ZFP1: variants seen among roughly 807,000 people sequenced by gnomAD.
ZFP1 encodes the protein ZFP1 zinc finger protein, also known as zinc finger protein 1 homolog.
A neutral mutation model predicts 38.5 loss-of-function variants in ZFP1; 32 were observed. The observed-to-expected ratio is 0.83, with a 90% CI of 0.63 to 1.12. The LOEUF is 1.12. ZFP1 is among the 50% of genes most tolerant of loss of function. The pLI is 0.00. For synonymous variants in ZFP1, 245 were observed against 168.8 expected, an observed-to-expected ratio of 1.45 and a Z score of -3.50; for missense variants, 616 against 480.8, an observed-to-expected ratio of 1.28 and a Z score of -2.63.
At chr16:75,155,660 A>G (rs1013559364) in intron 2 of ZFP1, among the ~76,000 whole-genome samples, 1 of 152,220 alleles carries the variant, frequency 6.6e-6, no homozygotes, top group African/African-American at 2.4e-5. Context: ...TAGGCACCCA[A>G]GTTAAGAAAT....
the ZFP1 span, among the ~76,000 whole-genome samples, chr16:75,120,529 T>G: frequency 0.57 from 82,865 of 146,246 alleles, 26,975 homozygotes; most frequent in Non-Finnish European, 0.75. Context: ...TTTTTTTTTG[T>G]TTTTTTTTTT....
chr16:75,138,189 A>C, the ZFP1 span, among the ~76,000 whole-genome samples: 1 of 151,858 alleles, frequency 6.6e-6, no homozygotes, highest in Non-Finnish European at 1.5e-5. Context: ...GGCGTGCGCC[A>C]CCACACCTGG....
upstream of ZFP1, among the ~76,000 whole-genome samples, chr16:75,146,456 T>C (rs1341230330): frequency 6.6e-6 from 1 of 150,932 alleles, no homozygotes; most frequent in East Asian, 2.0e-4. Flanking sequence ...CGTGAGCCAC[T>C]GCACCCGGCC....
rs980093001 is a variant in ZFP1, at chr16:75,171,488, G to A, written c.*1154G>A. Reference sequence around the variant, plus strand: ...TAAAACATTTCCCTTTGGAACATGAGTTATAAGTTATTACTTTTCCTTTAC... The same window carrying A: ...TAAAACATTTCCCTTTGGAACATGAATTATAAGTTATTACTTTTCCTTTAC... On this transcript the variant is annotated 3_prime_UTR_variant, in exon 4 of 4. Transcript: ENST00000570010. The A allele has an allele frequency of 1.3e-5, 2 of 152,142 alleles. No individual in the cohort carries two copies. The highest frequency in any genetic ancestry group is 4.8e-5 in the African/African-American group (2 of 41,430). 9.4% of individuals were successfully genotyped at this position (152,142 alleles called of 1,614,324 possible).
chr16:75,125,473 CCACCA>C, the ZFP1 span, among the ~76,000 whole-genome samples: 2 of 151,982 alleles, frequency 1.3e-5, no homozygotes, highest in Non-Finnish European at 2.9e-5. Flanking sequence ...CAGGCATGCA[CCACCA>C]CACCTGGCTA....
intron 2 of ZFP1, among the ~76,000 whole-genome samples, chr16:75,160,142 T>C (rs932436139): frequency 3.3e-5 from 5 of 152,234 alleles, no homozygotes; most frequent in East Asian, 1.9e-4. Flanking sequence ...ATGTTAAGGC[T>C]TCTCTATGGC....
At position 75,170,015 on chromosome 16, in the gene ZFP1, C is replaced by T. The variant is rs2038336399; in HGVS notation, c.905C>T (p.Ala302Val). The change falls in exon 4 of 4, where the codon GCA becomes GTA. Residue 302 changes from alanine to valine, a missense_variant. Transcript: ENST00000570010. ...CGACCCTATGAGTGTAACGAATGTGCAAAAACCTTCTTTAAGAAGTCAAAC... is the reference window on the plus strand; with the variant it reads ...CGACCCTATGAGTGTAACGAATGTGTAAAAACCTTCTTTAAGAAGTCAAAC... Reference protein sequence around the residue: ...GERPYECNECAKTFFKKSNLI... With the variant: ...GERPYECNECVKTFFKKSNLI... 3 of 1,614,066 alleles carry T rather than the reference C, an allele frequency of 1.9e-6. No individual in the cohort carries two copies. Among genetic ancestry groups the T allele is most frequent in the Non-Finnish European group, 2.5e-6 (3 of 1,180,022 alleles).
intron 1 of ZFP1, among the ~76,000 whole-genome samples, chr16:75,151,509 A>T (rs2145497740): frequency 6.6e-6 from 1 of 152,118 alleles, no homozygotes; most frequent in Admixed American, 6.5e-5. Context: ...ATATTTGTAA[A>T]AATTTAACAG....
chr16:75,165,460 T>C (rs2038018863), intron 2 of ZFP1, among the ~76,000 whole-genome samples: 1 of 152,016 alleles, frequency 6.6e-6, no homozygotes, highest in South Asian at 2.1e-4. Flanking sequence ...AGTGGGGCAG[T>C]CTGGGCTCAC....
At chr16:75,163,469 GC>G (rs2145558475) in intron 2 of ZFP1, among the ~76,000 whole-genome samples, 1 of 151,856 alleles carries the variant, frequency 6.6e-6, no homozygotes, top group Non-Finnish European at 1.5e-5. Flanking sequence ...CCACCACCAT[GC>G]CCGGCTAATT....
chr16:75,125,251 T>C, the ZFP1 span, among the ~76,000 whole-genome samples: 1 of 134,426 alleles, frequency 7.4e-6, no homozygotes, highest in Non-Finnish European at 1.5e-5. Context: ...AGAGCAAGAC[T>C]CTATCTCGAA....
chr16:75,170,942 G>A lies in ZFP1; in HGVS notation c.*608G>A, dbSNP rs1415830808. ...AACATTGTTCTTGAGCTGCCTCTTA[G>A]GAAACAGAAGACAGTGTTGAAGTTT... On this transcript the variant is annotated 3_prime_UTR_variant, in exon 4 of 4. Coordinates refer to ENST00000570010, the MANE Select transcript of ZFP1 (RefSeq NM_153688.4). 1 of 29,418 alleles carries A rather than the reference G, an allele frequency of 3.4e-5. No individual in the cohort carries two copies. Among genetic ancestry groups the A allele is most frequent in the Non-Finnish European group, 1.2e-4 (1 of 8,216 alleles). The allele number at this position is 29,418 out of a possible 1,614,324, so 1.8% of individuals were successfully genotyped here.
chr16:75,164,126 T>A (rs1213668799), intron 2 of ZFP1, among the ~76,000 whole-genome samples: 1 of 152,240 alleles, frequency 6.6e-6, no homozygotes, highest in Non-Finnish European at 1.5e-5. Flanking sequence ...CCTGTGCCTT[T>A]TGTTTTCAGG....
the ZFP1 span, among the ~76,000 whole-genome samples, chr16:75,135,539 G>A: frequency 1.1e-4 from 16 of 152,288 alleles, no homozygotes; most frequent in Admixed American, 1.0e-3. Flanking sequence ...AGGACAAGGT[G>A]AGAGGATTGG....
chr16:75,151,633 T>C lies in ZFP1; in HGVS notation c.-43-1276T>C, dbSNP rs980777528. ...TTTCATCCTCCCGTCTTTTGCATTA[T>C]TGTTGTCATACATGTTGCAGAATAT... On this transcript the variant is annotated intron_variant, in intron 1 of 3. Transcript: ENST00000570010. Among the ~76,000 whole-genome samples the C allele has an allele frequency of 7.2e-5, 11 of 152,346 alleles. No individual in the cohort carries two copies. In the East Asian group the frequency reaches 2.1e-3, roughly 29 times the overall value.
At chr16:75,167,835 G>A (rs570743412) in intron 3 of ZFP1, among the ~76,000 whole-genome samples, 35 of 152,090 alleles carry the variant, frequency 2.3e-4, no homozygotes, top group Non-Finnish European at 4.4e-4. Context: ...CATGGCTCAT[G>A]CTTATAATCC....
chr16:75,121,604 G>C, the ZFP1 span, among the ~76,000 whole-genome samples: 5 of 152,256 alleles, frequency 3.3e-5, no homozygotes, highest in Middle Eastern at 3.4e-3. Flanking sequence ...TTGTGAAGCA[G>C]GTTATCAATA....
chr16:75,164,734 A>G (rs946753739), intron 2 of ZFP1, among the ~76,000 whole-genome samples: 1 of 152,032 alleles, frequency 6.6e-6, no homozygotes. Flanking sequence ...TGAGGGGGGG[A>G]ATATCAAAAG....
At chr16:75,153,590 A>C (rs1244050639) in intron 2 of ZFP1, among the ~76,000 whole-genome samples, 2 of 152,074 alleles carry the variant, frequency 1.3e-5, no homozygotes, top group African/African-American at 2.4e-5. Flanking sequence ...TTGAATGGGG[A>C]ATGCAGTGTG....
Sources: gnomAD v4.1 joint callset for allele counts (sites outside exome capture counted in the v4.1 genomes callset) on GRCh38, gnomAD v4.1.1 for gene constraint, MANE v1.5 for transcripts, NCBI Gene and HGNC (gene_info 2026-07-23, HGNC 2026-07-21) for gene names.